FHIT: variants seen among roughly 807,000 people sequenced by gnomAD.
The protein encoded by FHIT is bis(5'-adenosyl)-triphosphatase.
Under a neutral mutation model 17.9 loss-of-function variants are expected in FHIT, and 19 were observed. The ratio of observed to expected loss-of-function variants is 1.06; its 90% CI spans 0.74 to 1.56. The LOEUF (loss-of-function observed/expected upper bound fraction) is 1.56, where lower values mean the gene tolerates loss of function less well. Among genes scored for constraint, FHIT ranks in the 40% most tolerant of loss-of-function variants. The pLI is 0.00. For synonymous variants in FHIT, 81 were observed against 69.7 expected, an observed-to-expected ratio of 1.16 and a Z score of -0.81; for missense variants, 248 against 189.2, an observed-to-expected ratio of 1.31 and a Z score of -1.82.
intron 5 of FHIT, among the ~76,000 whole-genome samples, chr3:60,382,230 G>A (rs753862849): frequency 5.9e-5 from 9 of 152,176 alleles, no homozygotes; most frequent in Non-Finnish European, 1.0e-4. Flanking sequence ...CATCTCTTGC[G>A]GACATAGAAT....
At chr3:60,357,991 C>T (rs1699748141) in intron 5 of FHIT, among the ~76,000 whole-genome samples, 2 of 152,128 alleles carry the variant, frequency 1.3e-5, no homozygotes, top group South Asian at 2.1e-4. Context: ...GTTAGAAGTT[C>T]GAACTATAGA....
chr3:61,171,610 T>C (rs1231068696), intron 2 of FHIT, among the ~76,000 whole-genome samples: 1 of 152,216 alleles, frequency 6.6e-6, no homozygotes, highest in Non-Finnish European at 1.5e-5. Context: ...ACACCACTAT[T>C]GGCCACCAAC....
chr3:60,131,026 T>TAG (rs1699560796), intron 5 of FHIT, among the ~76,000 whole-genome samples: 1 of 77,828 alleles, frequency 1.3e-5, no homozygotes, highest in Non-Finnish European at 2.3e-5. Flanking sequence ...TACACATATA[T>TAG]ACATATGTGT....
chr3:60,037,474 C>A (rs973311574), intron 5 of FHIT, among the ~76,000 whole-genome samples: 16 of 151,582 alleles, frequency 1.1e-4, no homozygotes, highest in Admixed American at 3.3e-4. Context: ...CCTCCGCCTC[C>A]CAGGTTCAAG....
At chr3:60,243,447 G>A (rs1355258384) in intron 5 of FHIT, among the ~76,000 whole-genome samples, 1 of 152,092 alleles carries the variant, frequency 6.6e-6, no homozygotes, top group East Asian at 1.9e-4. Flanking sequence ...GCCATGGAGA[G>A]GCGATGGGGA....
intron 5 of FHIT, among the ~76,000 whole-genome samples, chr3:60,231,645 C>A (rs1233669000): frequency 6.6e-6 from 1 of 152,184 alleles, no homozygotes; most frequent in African/African-American, 2.4e-5. Flanking sequence ...CCTTATTGAG[C>A]ACATATTATG....
At chr3:61,245,054 A>G (rs2040457607) in intron 1 of FHIT, among the ~76,000 whole-genome samples, 1 of 152,226 alleles carries the variant, frequency 6.6e-6, no homozygotes, top group Non-Finnish European at 1.5e-5. Context: ...TCCAAACATC[A>G]TATCATAGAG....
chr3:60,716,137 G>A (rs529578099), intron 4 of FHIT, among the ~76,000 whole-genome samples: 50 of 152,044 alleles, frequency 3.3e-4, no homozygotes, highest in Admixed American at 1.1e-3. Context: ...CCAGCTACTC[G>A]GGAGGCTGAG....
At chr3:60,592,695 C>A (rs782297677) in intron 4 of FHIT, among the ~76,000 whole-genome samples, 3 of 152,144 alleles carry the variant, frequency 2.0e-5, no homozygotes, top group Non-Finnish European at 4.4e-5. Context: ...TTTGATTATA[C>A]AACCCCACCT....
In FHIT at chr3:60,907,223, T is replaced by G. The variant is rs138699657; in HGVS notation, c.-110-85212A>C. Among the ~76,000 whole-genome samples, 8 of 152,240 alleles carry G rather than the reference T, an allele frequency of 5.3e-5. No individual in the cohort carries two copies. The East Asian group carries it at 1.5e-3, about 29-fold the overall frequency. On this transcript the variant is annotated intron_variant, in intron 3 of 9. Coordinates refer to ENST00000492590, the MANE Select transcript of FHIT (RefSeq NM_002012.4). ...CATCACCAAAACTGGCACAAACAAA[T>G]TATATGACTCTGCTGTGATCCACTG...
intron 5 of FHIT, among the ~76,000 whole-genome samples, chr3:60,079,135 A>G (rs1703162922): frequency 6.6e-6 from 1 of 152,142 alleles, no homozygotes; most frequent in South Asian, 2.1e-4. Flanking sequence ...TGGCCCCTGA[A>G]GCACACAGTA....
At chr3:60,285,349 C>T (rs1343359017) in intron 5 of FHIT, among the ~76,000 whole-genome samples, 1 of 151,982 alleles carries the variant, frequency 6.6e-6, no homozygotes, top group Non-Finnish European at 1.5e-5. Context: ...TAGGTTTATG[C>T]CCCATGAATT....
chr3:60,266,315 A>G (rs1386938300), intron 5 of FHIT, among the ~76,000 whole-genome samples: 1 of 152,098 alleles, frequency 6.6e-6, no homozygotes, highest in African/African-American at 2.4e-5. Flanking sequence ...CAACTGTGTG[A>G]TTTCATTTAT....
chr3:60,523,001 C>G (rs577919476), intron 5 of FHIT, among the ~76,000 whole-genome samples: 1 of 152,040 alleles, frequency 6.6e-6, no homozygotes, highest in Non-Finnish European at 1.5e-5. Context: ...ACATCTTACA[C>G]GGCAGCAGGC....
At chr3:60,393,880 G>A (rs1701331485) in intron 5 of FHIT, among the ~76,000 whole-genome samples, 1 of 152,072 alleles carries the variant, frequency 6.6e-6, no homozygotes, top group Admixed American at 6.6e-5. Flanking sequence ...GGCTCCTGTG[G>A]GCCTCTGCAT....
chr3:60,134,355 TA>T (rs1699719064), intron 5 of FHIT, among the ~76,000 whole-genome samples: 1 of 152,228 alleles, frequency 6.6e-6, no homozygotes, highest in African/African-American at 2.4e-5. Flanking sequence ...GGCAGGTTTT[TA>T]TTCTCTACTT....
chr3:60,444,204 G>T (rs1161552026), intron 5 of FHIT, among the ~76,000 whole-genome samples: 3 of 152,168 alleles, frequency 2.0e-5, no homozygotes, highest in African/African-American at 7.2e-5. Flanking sequence ...ACAGGTGCTG[G>T]AGAGGATGTG....
At chr3:60,404,348 G>T (rs575537179) in intron 5 of FHIT, among the ~76,000 whole-genome samples, 2 of 152,004 alleles carry the variant, frequency 1.3e-5, no homozygotes, top group South Asian at 4.2e-4. Flanking sequence ...AAAATGTGCA[G>T]TTTAAACAAA....
At chr3:60,240,456 G>A (rs1387712690) in intron 5 of FHIT, among the ~76,000 whole-genome samples, 1 of 152,124 alleles carries the variant, frequency 6.6e-6, no homozygotes, top group Non-Finnish European at 1.5e-5. Context: ...AGCTAATGAA[G>A]ACTTCAATAT....
Sources: gnomAD v4.1 joint callset for allele counts (sites outside exome capture counted in the v4.1 genomes callset) on GRCh38, gnomAD v4.1.1 for gene constraint, MANE v1.5 for transcripts, NCBI Gene and HGNC (gene_info 2026-07-23, HGNC 2026-07-21) for gene names.